MTMR10: variants seen among roughly 807,000 people sequenced by gnomAD.
MTMR10 encodes myotubularin-related protein 10.
In MTMR10, 56 loss-of-function variants were observed where a neutral mutation model predicts 88.1. That is an observed-to-expected ratio of 0.64 (90% confidence interval 0.51 to 0.79). MTMR10 has a LOEUF of 0.79. Ranked by LOEUF, MTMR10 falls within the 30% of genes least tolerant of loss-of-function variation. MTMR10 has a pLI of 0.00. For synonymous variants in MTMR10, 380 were observed against 340.9 expected, an observed-to-expected ratio of 1.11 and a Z score of -1.26; for missense variants, 883 against 924.7, an observed-to-expected ratio of 0.95 and a Z score of 0.58.
chr15:30,951,665 A>G (rs1272541275), intron 12 of MTMR10, among the ~76,000 whole-genome samples: 2 of 152,010 alleles, frequency 1.3e-5, no homozygotes, highest in Non-Finnish European at 2.9e-5. Context: ...ACTCCTGACT[A>G]ATTTTTGTAT....
chr15:30,940,532 T>C lies in MTMR10; in HGVS notation c.*938A>G, dbSNP rs2063008694. 1.5e-5 allele frequency: 15 copies of C among 985,382 alleles called. No individual in the cohort carries two copies. The South Asian group carries it at 1.9e-4, about 12-fold the overall frequency. The allele number at this position is 985,382 out of a possible 1,614,324, so 61.0% of individuals were successfully genotyped here. A position where few individuals can be genotyped will look rare whatever the true frequency, so the allele number is the denominator to read the frequency against. ...AAGTGCCAGCAATAGTTTACCACAC[T>C]GGAAATACTGATGGCCAAGCCCAGC... On this transcript the variant is annotated 3_prime_UTR_variant, in exon 16 of 16. Transcript: ENST00000435680.
intron 5 of MTMR10, among the ~76,000 whole-genome samples, chr15:30,970,430 CCT>C (rs1456468397): frequency 6.6e-6 from 1 of 152,146 alleles, no homozygotes; most frequent in Non-Finnish European, 1.5e-5. Flanking sequence ...CCAAGAAAGA[CCT>C]CTCTGCACAG....
chr15:30,957,360 T>C (rs2063341636), intron 9 of MTMR10, among the ~76,000 whole-genome samples: 2 of 152,186 alleles, frequency 1.3e-5, no homozygotes, highest in African/African-American at 2.4e-5. Context: ...CATAGACTTT[T>C]GAGGTCTGAT....
chr15:30,934,953 T>C (rs890930133), downstream of MTMR10, among the ~76,000 whole-genome samples: 47 of 152,358 alleles, frequency 3.1e-4, no homozygotes, highest in African/African-American at 1.1e-3. Context: ...TATTTACTCA[T>C]GTACATAGCA....
chr15:30,976,755 A>G (rs1325308170), intron 3 of MTMR10, 64 bp downstream of exon 3: 17 of 1,510,246 alleles, frequency 1.1e-5, no homozygotes, highest in Non-Finnish European at 1.5e-5. Context: ...TGTTTTATAT[A>G]ATAATATGTA....
chr15:30,958,783 A>T (rs2063360751), intron 9 of MTMR10, 80 bp downstream of exon 9: 1 of 1,442,220 alleles, frequency 6.9e-7, no homozygotes, highest in African/African-American at 1.4e-5. Context: ...GCATTTTGTT[A>T]TTTTCAATTA....
chr15:30,949,058 T>G (rs1394951597), intron 12 of MTMR10: 1 of 152,330 alleles, frequency 6.6e-6, no homozygotes, highest in African/African-American at 2.4e-5. Context: ...TATCCAGGAA[T>G]GCAAAGTTGG....
chr15:30,953,605 ATT>A lies in MTMR10; in HGVS notation c.1091_1092del (p.Lys364MetfsTer19). 1 of 1,546,034 alleles carries A rather than the reference ATT, an allele frequency of 6.5e-7. No individual in the cohort carries two copies. The highest frequency in any genetic ancestry group is 1.4e-5 in the African/African-American group (1 of 73,040). ...VNEPFEETEE[K>X]WLSSLENTRW... is the part of the protein sequence containing the mutation. ...CGAGTATTTTCCAGTGAAGATAACC[ATT>A]TCTCTTCAGTTTCTTCAAAAGGCTC... On this transcript the variant is annotated frameshift_variant, in exon 11 of 16. Coordinates refer to ENST00000435680, the MANE Select transcript of MTMR10 (RefSeq NM_017762.3). LOFTEE classifies it high-confidence loss of function.
At chr15:30,924,866 A>G in the MTMR10 span, among the ~76,000 whole-genome samples, 2 of 152,180 alleles carry the variant, frequency 1.3e-5, no homozygotes, top group African/African-American at 4.8e-5. Context: ...TGTGAGGGGC[A>G]GCTGCTGGGA....
the MTMR10 span, chr15:30,930,519 A>C: frequency 6.4e-7 from 1 of 1,570,210 alleles, no homozygotes; most frequent in Admixed American, 2.1e-5. Context: ...GGAAGTGGCT[A>C]ACTGTCCTGT....
chr15:30,947,433 A>T, intron 13 of MTMR10, 133 bp from the exon 14 acceptor site: 1 of 1,027,446 alleles, frequency 9.7e-7, no homozygotes, highest in African/African-American at 1.6e-5. Context: ...CTTGCCTTCT[A>T]AGCTGAGCTA....
intron 6 of MTMR10, among the ~76,000 whole-genome samples, chr15:30,963,064 T>C (rs1254200056): frequency 6.6e-6 from 1 of 152,202 alleles, no homozygotes; most frequent in Admixed American, 6.5e-5. Flanking sequence ...GACTCTAGTA[T>C]GTTTCCCAAA....
At chr15:30,958,799 G>A in intron 9 of MTMR10, 64 bp downstream of exon 9, 1 of 1,512,314 alleles carries the variant, frequency 6.6e-7, no homozygotes, top group Non-Finnish European at 9.2e-7. Context: ...AATTAGTAGG[G>A]AACTCACTGT....
chr15:30,948,226 C>G, intron 13 of MTMR10, 76 bp downstream of exon 13: 1 of 1,354,718 alleles, frequency 7.4e-7, no homozygotes, highest in South Asian at 1.5e-5. Flanking sequence ...TTTAAAAGCC[C>G]CTTCATCTTT....
At chr15:30,938,818 C>G (rs1182286984), downstream of MTMR10, 1 of 758,592 alleles carries the variant, frequency 1.3e-6, no homozygotes, top group African/African-American at 1.9e-5. Flanking sequence ...TGATCACTAC[C>G]TGGCTTTAGA....
intron 9 of MTMR10, among the ~76,000 whole-genome samples, chr15:30,957,400 T>C (rs980862294): frequency 1.3e-5 from 2 of 152,150 alleles, no homozygotes; most frequent in African/African-American, 4.8e-5. Context: ...AAGGCTTATC[T>C]TGAGGAAATG....
chr15:30,949,213 C>G (rs1440394883), intron 12 of MTMR10: 1 of 152,164 alleles, frequency 6.6e-6, no homozygotes, highest in Non-Finnish European at 1.5e-5. Flanking sequence ...TTAAACTGAT[C>G]AGAGACATCC....
intron 6 of MTMR10, among the ~76,000 whole-genome samples, chr15:30,963,699 G>T (rs2959049): frequency 0.51 from 63,794 of 124,430 alleles, 14,644 homozygotes; most frequent in East Asian, 0.86. Flanking sequence ...ATAGTAAAAT[G>T]CTCATTCTAA....
At chr15:30,927,712 G>A in the MTMR10 span, 1 of 985,638 alleles carries the variant, frequency 1.0e-6, no homozygotes, top group Non-Finnish European at 1.2e-6. Context: ...GTCTTGTGGG[G>A]AGAGGCATCC....
Sources: gnomAD v4.1 joint callset for allele counts (sites outside exome capture counted in the v4.1 genomes callset) on GRCh38, gnomAD v4.1.1 for gene constraint, MANE v1.5 for transcripts, NCBI Gene and HGNC (gene_info 2026-07-23, HGNC 2026-07-21) for gene names.